Variants in THOC2 observed in about 807,000 individuals in gnomAD.
THOC2 encodes the protein THO complex subunit 2.
A neutral mutation model predicts 128.4 loss-of-function variants in THOC2; 10 were observed. That is an observed-to-expected ratio of 0.08 (90% CI 0.05 to 0.13). The LOEUF (loss-of-function observed/expected upper bound fraction) is 0.13, where lower values mean the gene tolerates loss of function less well. THOC2 is among the 10% of genes least tolerant of loss of function. THOC2 has a pLI of 1.00. For missense variants in THOC2, 535 were observed against 1,155.7 expected, an observed-to-expected ratio of 0.46 and a Z score of 7.79; for synonymous variants, 393 against 396.9, an observed-to-expected ratio of 0.99 and a Z score of 0.12.
chrX:123,695,429 G>A (rs1001164284), intron 7 of THOC2, among the ~76,000 whole-genome samples: 3 of 111,902 alleles, frequency 2.7e-5, no homozygotes, highest in African/African-American at 9.7e-5. Flanking sequence ...TAAAGGGTAG[G>A]GAGAATAATA....
At chrX:123,624,420 A>G in intron 26 of THOC2, 121 bp downstream of exon 26, 1 of 841,925 alleles carries the variant, frequency 1.2e-6, no homozygotes, top group Non-Finnish European at 1.7e-6. Flanking sequence ...TTGTGCTTAT[A>G]AACACAGTTT....
Position 123,661,297 on chromosome X carries a change from C to T in THOC2, c.1386+4345G>A, listed in dbSNP as rs776946293. The stretch of plus-strand genomic sequence containing the variant: ...GCGGGCACCTGTAATCCCAGCTACT[C>T]GGGAGGCTGAAGCAGGAGAATTGCT... On this transcript the variant is annotated intron_variant, in intron 12 of 38. Coordinates refer to ENST00000245838, the MANE Select transcript of THOC2 (RefSeq NM_001081550.2). 6.3e-5 allele frequency among the ~76,000 whole-genome samples: 7 copies of T among 110,726 alleles called. No individual in the cohort carries two copies. In the East Asian group the frequency reaches 1.1e-3, roughly 18 times the overall value.
chrX:123,686,594 G>T lies in THOC2; in HGVS notation c.722C>A (p.Pro241Gln). Reference sequence around the variant, plus strand: ...CCCAAGAATATGACACAGTGTTTGCGGTTCACACATACTCATGTAAGATTC... The same window carrying T: ...CCCAAGAATATGACACAGTGTTTGCTGTTCACACATACTCATGTAAGATTC... ...LLESYMSMCE[P>Q]QTLCHILGFK... Residue 241 changes from proline (P) to glutamine (Q), a missense_variant, in exon 8 of 39, where the codon CCG (proline) becomes CAG (glutamine). This residue lies in a region of THOC2 where 197 missense variants were observed against 313.4 expected (regional missense o/e 0.63). Transcript: ENST00000245838. 2.5e-6 allele frequency: 3 copies of T among 1,205,888 alleles called. No homozygotes were observed. The highest frequency in any genetic ancestry group is 3.4e-6 in the Non-Finnish European group (3 of 892,360).
At chrX:123,701,875 G>A (rs1377948003) in intron 4 of THOC2, among the ~76,000 whole-genome samples, 3 of 110,840 alleles carry the variant, frequency 2.7e-5, no homozygotes, top group Admixed American at 1.9e-4. Context: ...AAACAAAACT[G>A]GGACATGTGG....
At chrX:123,654,399 TATA>T (rs986737560) in intron 12 of THOC2, among the ~76,000 whole-genome samples, 6 of 107,959 alleles carry the variant, frequency 5.6e-5, no homozygotes, top group African/African-American at 6.7e-5. Context: ...GAACTTAAAG[TATA>T]ATAATAATAA....
chrX:123,690,876 A>C (rs1417845103), intron 7 of THOC2, among the ~76,000 whole-genome samples: 1 of 112,318 alleles, frequency 8.9e-6, no homozygotes, highest in African/African-American at 3.2e-5. Flanking sequence ...GCACATCTCA[A>C]AGCAAGAACC....
chrX:123,646,847 T>C (rs7059901), intron 12 of THOC2, among the ~76,000 whole-genome samples: 1 of 110,994 alleles, frequency 9.0e-6, no homozygotes, highest in African/African-American at 3.3e-5. Flanking sequence ...GCACATAGGG[T>C]GTACATTGGG....
rs762278863 is a variant in THOC2 at position 123,643,595 on chromosome X, T to C, written c.1661+980A>G. Among the ~76,000 whole-genome samples the C allele has an allele frequency of 2.7e-5, 3 of 110,893 alleles. No homozygotes were observed. The South Asian group carries it at 1.2e-3, about 43-fold the overall frequency. The stretch of plus-strand genomic sequence containing the variant: ...TTAAGTCCAGAAACTCTTTCAGATC[T>C]AATATCAACTCCTGCCAAACAAAAC... On this transcript the variant is annotated intron_variant, in intron 15 of 38. Coordinates refer to ENST00000245838, the MANE Select transcript of THOC2 (RefSeq NM_001081550.2).
At chrX:123,689,388 T>G (rs1015849684) in intron 7 of THOC2, among the ~76,000 whole-genome samples, 1 of 112,124 alleles carries the variant, frequency 8.9e-6, no homozygotes, top group Non-Finnish European at 1.9e-5. Flanking sequence ...ATCCATAAGA[T>G]AGAAAAGGTA....
chrX:123,728,473 A>T (rs1709408621), intron 1 of THOC2, among the ~76,000 whole-genome samples: 1 of 111,931 alleles, frequency 8.9e-6, no homozygotes, highest in African/African-American at 3.2e-5. Flanking sequence ...TACAGGTCGA[A>T]ATGGGAAATT....
intron 3 of THOC2, among the ~76,000 whole-genome samples, chrX:123,706,454 T>G (rs974479965): frequency 1.8e-5 from 2 of 110,253 alleles, no homozygotes; most frequent in Non-Finnish European, 3.8e-5. Context: ...AGGTGCTGTG[T>G]TGGTGTGCTG....
intron 14 of THOC2, 35 bp downstream of exon 14, chrX:123,644,744 T>C: frequency 8.6e-7 from 1 of 1,166,463 alleles, no homozygotes; most frequent in East Asian, 3.0e-5. Flanking sequence ...CTAGAATTAC[T>C]AATAGTTAAA....
At chrX:123,625,630 C>T (rs1253872005) in intron 25 of THOC2, among the ~76,000 whole-genome samples, 10 of 110,058 alleles carry the variant, frequency 9.1e-5, no homozygotes, top group Non-Finnish European at 9.5e-5. Flanking sequence ...CCTTGAGTGC[C>T]TATTACATAT....
At chrX:123,673,231 T>G (rs1471937719) in intron 8 of THOC2, among the ~76,000 whole-genome samples, 1 of 111,382 alleles carries the variant, frequency 9.0e-6, no homozygotes, top group East Asian at 2.8e-4. Context: ...ACCAGCTACC[T>G]GGGAGGCTGA....
At chrX:123,682,571 C>CA (rs1347636746) in intron 8 of THOC2, among the ~76,000 whole-genome samples, 2 of 112,037 alleles carry the variant, frequency 1.8e-5, no homozygotes, top group African/African-American at 6.5e-5. Context: ...CATGTCTTTG[C>CA]TTAAATCTCA....
intron 9 of THOC2, among the ~76,000 whole-genome samples, chrX:123,669,162 A>G (rs1394382650): frequency 9.6e-6 from 1 of 104,606 alleles, no homozygotes; most frequent in African/African-American, 3.5e-5. Flanking sequence ...CCATTTATCA[A>G]AAAAAAAAAA....
At chrX:123,729,427 T>C (rs2052135633) in intron 1 of THOC2, among the ~76,000 whole-genome samples, 1 of 111,980 alleles carries the variant, frequency 8.9e-6, no homozygotes, top group Admixed American at 9.5e-5. Flanking sequence ...TTGTTTTTCA[T>C]GGCGTACAGT....
chrX:123,654,343 G>A (rs2048481581), intron 12 of THOC2, among the ~76,000 whole-genome samples: 2 of 108,923 alleles, frequency 1.8e-5, no homozygotes, highest in Non-Finnish European at 3.8e-5. Context: ...ACCATGGCAC[G>A]TGTATATCTA....
intron 1 of THOC2, among the ~76,000 whole-genome samples, chrX:123,714,412 CAAAATATACTTTG>C (rs1338809264): frequency 4.5e-5 from 5 of 111,837 alleles, no homozygotes; most frequent in African/African-American, 1.6e-4. Flanking sequence ...TTATATTAGA[CAAAATATACTTTG>C]AAAATATAAC....
Sources: allele counts gnomAD v4.1 joint callset (sites outside exome capture counted in the v4.1 genomes callset), GRCh38; gene constraint gnomAD v4.1.1; regional missense constraint gnomAD v4.1.1; transcripts MANE v1.5; gene names NCBI Gene and HGNC (gene_info 2026-07-23, HGNC 2026-07-21).